The following ZFPM2 variants were observed in gnomAD, a reference collection of about 807,000 sequenced individuals.
ZFPM2 encodes zinc finger protein, FOG family member 2, also known as zinc finger protein ZFPM2.
ZFPM2 carries 20 observed loss-of-function variants against 98.6 expected under a neutral mutation model. That is an observed-to-expected ratio of 0.20 (90% CI 0.14 to 0.29). The LOEUF is 0.29. Among genes scored for constraint, ZFPM2 ranks in the 10% least tolerant of loss-of-function variants. ZFPM2 has a pLI of 1.00. For synonymous variants in ZFPM2, 518 were observed against 502.7 expected (o/e 1.03, Z -0.41); for missense variants, 1,310 against 1,388.6 (o/e 0.94, Z 0.90).
At chr8:105,796,508 ATAAT>A (rs1454538757) in intron 6 of ZFPM2, among the ~76,000 whole-genome samples, 1 of 152,248 alleles carries the variant, frequency 6.6e-6, no homozygotes, top group Non-Finnish European at 1.5e-5. Context: ...GTAGTAGCAT[ATAAT>A]TAATTTTAAA....
At chr8:105,794,396 T>G (rs1813725825) in intron 6 of ZFPM2, among the ~76,000 whole-genome samples, 1 of 152,116 alleles carries the variant, frequency 6.6e-6, no homozygotes, top group African/African-American at 2.4e-5. Flanking sequence ...AACAGTGGTT[T>G]TTCATGAACC....
chr8:105,578,016 A>C (rs1484407280), intron 4 of ZFPM2, among the ~76,000 whole-genome samples: 3 of 152,124 alleles, frequency 2.0e-5, no homozygotes, highest in Non-Finnish European at 4.4e-5. Context: ...ATTTATCTCT[A>C]GACTTAAGAA....
intron 2 of ZFPM2, 137 bp from the exon 3 acceptor site, chr8:105,444,143 C>A: frequency 1.5e-6 from 1 of 647,686 alleles, no homozygotes; most frequent in South Asian, 2.0e-5. Flanking sequence ...TAGTCATGAA[C>A]ATTTATTAGT....
intron 5 of ZFPM2, among the ~76,000 whole-genome samples, chr8:105,734,998 T>C: frequency 6.7e-6 from 1 of 150,170 alleles, no homozygotes; most frequent in East Asian, 2.0e-4. Context: ...ATATACTTCA[T>C]TAATATATAT....
intron 3 of ZFPM2, among the ~76,000 whole-genome samples, chr8:105,444,692 A>G (rs1812332679): frequency 6.6e-6 from 1 of 152,150 alleles, no homozygotes; most frequent in South Asian, 2.1e-4. Context: ...AATTGGGCAC[A>G]CTATTAAAGC....
At chr8:105,760,207 A>G (rs1360107171) in intron 5 of ZFPM2, among the ~76,000 whole-genome samples, 2 of 151,998 alleles carry the variant, frequency 1.3e-5, no homozygotes, top group Non-Finnish European at 2.9e-5. Context: ...AGCTTTACCA[A>G]TGTGCCTGGA....
chr8:105,437,904 A>G (rs898114575), intron 2 of ZFPM2, among the ~76,000 whole-genome samples: 10 of 151,926 alleles, frequency 6.6e-5, no homozygotes, highest in Admixed American at 3.3e-4. Flanking sequence ...TTAGATGGGC[A>G]TGGTGGTGCG....
chr8:105,439,912 T>A (rs2130186144), intron 2 of ZFPM2, among the ~76,000 whole-genome samples: 1 of 152,322 alleles, frequency 6.6e-6, no homozygotes, highest in African/African-American at 2.4e-5. Context: ...ACCTAAGTGG[T>A]AAATAATTGT....
intron 4 of ZFPM2, among the ~76,000 whole-genome samples, chr8:105,617,535 G>A (rs1279492420): frequency 6.6e-6 from 1 of 152,106 alleles, no homozygotes; most frequent in Non-Finnish European, 1.5e-5. Context: ...CTGAGGAGTG[G>A]GATAGACCTG....
intron 3 of ZFPM2, among the ~76,000 whole-genome samples, chr8:105,535,358 A>G (rs1437949305): frequency 6.6e-6 from 1 of 152,170 alleles, no homozygotes; most frequent in Non-Finnish European, 1.5e-5. Flanking sequence ...TTTCCAAATT[A>G]GTTCTAAACC....
chr8:105,493,521 C>T, intron 3 of ZFPM2, among the ~76,000 whole-genome samples: 1 of 152,164 alleles, frequency 6.6e-6, no homozygotes, highest in East Asian at 1.9e-4. Context: ...ACTTCTTTTG[C>T]TCCACCTGTG....
chr8:105,584,021 A>AAT (rs1382758389), intron 4 of ZFPM2, among the ~76,000 whole-genome samples: 1 of 152,184 alleles, frequency 6.6e-6, no homozygotes, highest in Non-Finnish European at 1.5e-5. Context: ...TTCCTCATGA[A>AAT]ATAAAATGGT....
At chr8:105,508,485 C>T (rs1236771928) in intron 3 of ZFPM2, among the ~76,000 whole-genome samples, 1 of 152,020 alleles carries the variant, frequency 6.6e-6, no homozygotes, top group Non-Finnish European at 1.5e-5. Flanking sequence ...TCTCTCGTAA[C>T]AATTAATACT....
At chr8:105,619,083 A>C (rs1364080873) in intron 4 of ZFPM2, among the ~76,000 whole-genome samples, 1 of 152,208 alleles carries the variant, frequency 6.6e-6, no homozygotes, top group African/African-American at 2.4e-5. Context: ...AAACATAGTT[A>C]TAAAAGCTAT....
chr8:105,404,502 G>T (rs1009728312), intron 1 of ZFPM2, among the ~76,000 whole-genome samples: 8 of 151,952 alleles, frequency 5.3e-5, no homozygotes, highest in Admixed American at 1.3e-4. Context: ...AACTCAGCAC[G>T]TATGAATCTG....
chr8:105,549,975 G>A (rs1471290751), intron 3 of ZFPM2, among the ~76,000 whole-genome samples: 9 of 151,988 alleles, frequency 5.9e-5, no homozygotes. Context: ...ATTCTTCAGA[G>A]AAAATATTTA....
intron 1 of ZFPM2, among the ~76,000 whole-genome samples, chr8:105,354,835 T>A (rs1410447863): frequency 1.3e-5 from 2 of 152,056 alleles, no homozygotes; most frequent in Non-Finnish European, 2.9e-5. Context: ...GCACCTGTGG[T>A]CCCACCTACT....
intron 1 of ZFPM2, among the ~76,000 whole-genome samples, chr8:105,403,992 AAACAACAACAACAACAACAAC>A (rs58138715): frequency 1.0e-4 from 15 of 147,730 alleles, no homozygotes; most frequent in East Asian, 1.0e-3. Context: ...ATTGGTGTTA[AAACAACAACAACAACAACAAC>A]AACAACAACA....
intron 5 of ZFPM2, among the ~76,000 whole-genome samples, chr8:105,655,925 T>C (rs1817276366): frequency 6.6e-6 from 1 of 151,814 alleles, no homozygotes; most frequent in Admixed American, 6.6e-5. Flanking sequence ...TTAACCCACA[T>C]TGGCTTTTTT....
Sources: allele counts gnomAD v4.1 joint callset (sites outside exome capture counted in the v4.1 genomes callset), GRCh38; gene constraint gnomAD v4.1.1; transcripts MANE v1.5; gene names NCBI Gene and HGNC (gene_info 2026-07-23, HGNC 2026-07-21).